Variants in FGGY observed in about 807,000 individuals in gnomAD.
FGGY encodes the protein FGGY carbohydrate kinase domain containing, also known as FGGY carbohydrate kinase domain-containing protein.
A neutral mutation model predicts 71.3 loss-of-function variants in FGGY; 72 were observed. That is an observed-to-expected ratio of 1.01 (90% confidence interval 0.84 to 1.23). FGGY has a LOEUF of 1.23. Ranked by LOEUF, FGGY falls within the 50% of genes most tolerant of loss-of-function variation. The probability of loss-of-function intolerance (pLI) is 0.00; values close to 1 mark genes in which losing one functional copy is unlikely to be tolerated. For missense variants in FGGY, 668 were observed against 682.3 expected (o/e 0.98, Z 0.23); for synonymous variants, 251 against 250.3 (o/e 1.00, Z -0.02).
intron 14 of FGGY, among the ~76,000 whole-genome samples, chr1:59,701,482 A>G (rs1158661849): frequency 6.6e-6 from 1 of 152,172 alleles, no homozygotes; most frequent in Admixed American, 6.6e-5. Context: ...CACTCGTACT[A>G]GGCCCATCTA....
At chr1:59,673,969 G>C in intron 13 of FGGY, 70 bp from the exon 14 acceptor site, 1 of 1,395,126 alleles carries the variant, frequency 7.2e-7, no homozygotes, top group South Asian at 1.2e-5. Context: ...TTGCCACTGC[G>C]GCTGCTTGTT....
At chr1:59,651,773 G>A (rs2097164358) in intron 11 of FGGY, among the ~76,000 whole-genome samples, 1 of 150,296 alleles carries the variant, frequency 6.7e-6, no homozygotes, top group South Asian at 2.1e-4. Context: ...ATATTGTTAT[G>A]TGTGAATTTG....
intron 14 of FGGY, among the ~76,000 whole-genome samples, chr1:59,700,376 G>A (rs553420099): frequency 1.3e-5 from 2 of 152,300 alleles, no homozygotes; most frequent in African/African-American, 4.8e-5. Context: ...CACTTTGCAT[G>A]AATTAACTCA....
chr1:59,590,818 C>A (rs1470564121), intron 8 of FGGY, among the ~76,000 whole-genome samples: 2 of 152,034 alleles, frequency 1.3e-5, no homozygotes, highest in Non-Finnish European at 2.9e-5. Flanking sequence ...TATGACAAAC[C>A]CACAGCCAAT....
At chr1:59,413,990 G>A (rs2063982375) in intron 5 of FGGY, among the ~76,000 whole-genome samples, 1 of 152,188 alleles carries the variant, frequency 6.6e-6, no homozygotes, top group African/African-American at 2.4e-5. Flanking sequence ...ATTTGGCAGT[G>A]CTGGACCCTT....
rs939163368 is a variant in FGGY at position 59,588,545 on chromosome 1, G to T, written c.904-19258G>T. 1.2e-4 allele frequency among the ~76,000 whole-genome samples: 18 copies of T among 152,220 alleles called. No homozygotes were observed. In the East Asian group the frequency reaches 1.9e-3, roughly 16 times the overall value. On this transcript the variant is annotated intron_variant, in intron 8 of 15. Coordinates refer to ENST00000303721, the MANE Select transcript of FGGY (RefSeq NM_018291.5). ...TATTAAGGGCAGCCAGAGAGAAAGG[G>T]CGGGTTACCCACAAAGGGAAGCCCA... is the stretch of plus-strand genomic sequence containing the variant.
intron 14 of FGGY, among the ~76,000 whole-genome samples, chr1:59,713,099 C>T (rs939058589): frequency 2.6e-5 from 4 of 152,150 alleles, no homozygotes; most frequent in African/African-American, 7.2e-5. Context: ...CAAGGTTTTA[C>T]AAATCTCTAG....
At chr1:59,314,187 G>A (rs560546648) in intron 1 of FGGY, among the ~76,000 whole-genome samples, 50 of 152,148 alleles carry the variant, frequency 3.3e-4, no homozygotes, top group African/African-American at 1.2e-3. Context: ...GGATGGTCTC[G>A]ATCTCCTGAC....
intron 13 of FGGY, among the ~76,000 whole-genome samples, chr1:59,673,332 G>A (rs1057249605): frequency 3.3e-5 from 5 of 152,138 alleles, no homozygotes; most frequent in Non-Finnish European, 7.3e-5. Context: ...TAGCATGTGG[G>A]CATCTAGGAG....
At chr1:59,438,233 C>A (rs1442700415) in intron 5 of FGGY, among the ~76,000 whole-genome samples, 2 of 152,208 alleles carry the variant, frequency 1.3e-5, no homozygotes, top group Non-Finnish European at 2.9e-5. Context: ...TAACAAGTGG[C>A]AGGGCTGGAA....
At chr1:59,398,099 T>A (rs2061532584) in intron 5 of FGGY, among the ~76,000 whole-genome samples, 1 of 151,944 alleles carries the variant, frequency 6.6e-6, no homozygotes, top group East Asian at 1.9e-4. Context: ...TATAGATGGG[T>A]TGAGTCTGTG....
chr1:59,450,531 A>G (rs1302572419), intron 5 of FGGY, among the ~76,000 whole-genome samples: 1 of 152,130 alleles, frequency 6.6e-6, no homozygotes, highest in Non-Finnish European at 1.5e-5. Context: ...ATATGAGTAT[A>G]CAGAATTGAG....
intron 8 of FGGY, among the ~76,000 whole-genome samples, chr1:59,565,653 G>A (rs921478788): frequency 3.3e-5 from 5 of 152,292 alleles, no homozygotes; most frequent in South Asian, 4.1e-4. Flanking sequence ...ACAATAAGCA[G>A]AATGATGAGA....
At chr1:59,551,201 T>G (rs534595064) in intron 7 of FGGY, among the ~76,000 whole-genome samples, 4 of 152,280 alleles carry the variant, frequency 2.6e-5, no homozygotes, top group African/African-American at 4.8e-5. Context: ...AACAACCATG[T>G]GATGTTGTGA....
chr1:59,665,499 T>C (rs2153967832), intron 12 of FGGY, among the ~76,000 whole-genome samples: 1 of 152,194 alleles, frequency 6.6e-6, no homozygotes, highest in Non-Finnish European at 1.5e-5. Flanking sequence ...CCAATTAGGA[T>C]TTCATGTCCT....
At chr1:59,639,063 G>A (rs2096991332) in intron 11 of FGGY, among the ~76,000 whole-genome samples, 1 of 152,114 alleles carries the variant, frequency 6.6e-6, no homozygotes, top group African/African-American at 2.4e-5. Flanking sequence ...TAGAGGAGGG[G>A]CCAGGTGAGG....
At chr1:59,490,386 T>C (rs1329716322) in intron 6 of FGGY, among the ~76,000 whole-genome samples, 4 of 152,152 alleles carry the variant, frequency 2.6e-5, no homozygotes, top group Admixed American at 1.3e-4. Flanking sequence ...CCTGTACCAA[T>C]GGTTGAATTC....
chr1:59,527,961 G>T (rs2095037326), intron 7 of FGGY, among the ~76,000 whole-genome samples: 1 of 152,086 alleles, frequency 6.6e-6, no homozygotes, highest in South Asian at 2.1e-4. Context: ...AGGCATTCAT[G>T]GAGCTAGTTA....
chr1:59,465,697 T>G (rs924152225), intron 6 of FGGY, among the ~76,000 whole-genome samples: 44 of 152,032 alleles, frequency 2.9e-4, no homozygotes, highest in African/African-American at 9.4e-4. Context: ...TCACAAGCAT[T>G]TCCTATACAC....
Sources: allele counts gnomAD v4.1 joint callset (sites outside exome capture counted in the v4.1 genomes callset), GRCh38; gene constraint gnomAD v4.1.1; transcripts MANE v1.5; gene names NCBI Gene and HGNC (gene_info 2026-07-23, HGNC 2026-07-21).